ZBTB44: variants seen among roughly 807,000 people sequenced by gnomAD.
ZBTB44 encodes zinc finger and BTB domain containing 44.
ZBTB44 carries 15 observed loss-of-function variants against 54.0 expected under a neutral mutation model. The ratio of observed to expected loss-of-function variants is 0.28; its 90% CI spans 0.19 to 0.43. The LOEUF (loss-of-function observed/expected upper bound fraction) is 0.43. Among genes scored for constraint, ZBTB44 ranks in the 20% least tolerant of loss-of-function variants. The probability of loss-of-function intolerance (pLI) is 1.00; values close to 1 mark genes in which losing one functional copy is unlikely to be tolerated. For missense variants in ZBTB44, 487 were observed against 707.1 expected, an observed-to-expected ratio of 0.69 and a Z score of 3.53; for synonymous variants, 230 against 250.1, an observed-to-expected ratio of 0.92 and a Z score of 0.76.
At chr11:130,250,272 TATAG>T (rs1190858065) in intron 2 of ZBTB44, among the ~76,000 whole-genome samples, 1 of 152,104 alleles carries the variant, frequency 6.6e-6, no homozygotes, top group Non-Finnish European at 1.5e-5. Context: ...AGTCAGGGCT[TATAG>T]ATAAAAATCC....
At chr11:130,283,035 CTTT>C (rs531030883) in intron 1 of ZBTB44, among the ~76,000 whole-genome samples, 12 of 102,414 alleles carry the variant, frequency 1.2e-4, no homozygotes, top group African/African-American at 3.9e-4. Context: ...CCATTCTAAC[CTTT>C]TTTTTTTTTT....
intron 1 of ZBTB44, among the ~76,000 whole-genome samples, chr11:130,281,962 A>G (rs1313233808): frequency 6.6e-6 from 1 of 151,694 alleles, no homozygotes; most frequent in Non-Finnish European, 1.5e-5. Flanking sequence ...CCAATACCCT[A>G]TTTGCATGAG....
chr11:130,298,325 G>A (rs1191985262), intron 1 of ZBTB44, among the ~76,000 whole-genome samples: 3 of 151,826 alleles, frequency 2.0e-5, no homozygotes, highest in Admixed American at 2.0e-4. Context: ...GTATTTTCTT[G>A]TAGAGACAGG....
chr11:130,309,483 C>T (rs371735676), intron 1 of ZBTB44, among the ~76,000 whole-genome samples: 2 of 152,176 alleles, frequency 1.3e-5, no homozygotes, highest in South Asian at 2.1e-4. Flanking sequence ...GAATTTATAT[C>T]AAATTTGGTC....
intron 1 of ZBTB44, among the ~76,000 whole-genome samples, chr11:130,279,725 TCTG>T (rs1357331633): frequency 6.6e-6 from 1 of 152,084 alleles, no homozygotes; most frequent in African/African-American, 2.4e-5. Context: ...TTGAGGTCTA[TCTG>T]ATATTTCTTC....
intron 2 of ZBTB44, among the ~76,000 whole-genome samples, chr11:130,253,078 C>T (rs1472624935): frequency 6.6e-6 from 1 of 152,066 alleles, no homozygotes; most frequent in Non-Finnish European, 1.5e-5. Context: ...ATAATAAGAC[C>T]TATTTATGAC....
chr11:130,303,531 A>G (rs1055998069), intron 1 of ZBTB44, among the ~76,000 whole-genome samples: 2 of 152,124 alleles, frequency 1.3e-5, no homozygotes, highest in African/African-American at 4.8e-5. Flanking sequence ...GCTACTCGGG[A>G]GGCTGAGGCA....
intron 2 of ZBTB44, among the ~76,000 whole-genome samples, chr11:130,252,630 T>C (rs942177272): frequency 2.6e-4 from 40 of 151,748 alleles, no homozygotes; most frequent in African/African-American, 8.4e-4. Flanking sequence ...ACTCACTCTA[T>C]CAGAGGTACA....
intron 1 of ZBTB44, among the ~76,000 whole-genome samples, chr11:130,279,382 G>T (rs2134256640): frequency 6.6e-6 from 1 of 152,114 alleles, no homozygotes; most frequent in African/African-American, 2.4e-5. Flanking sequence ...GCTCAGGTTG[G>T]GTGCAGTGGC....
chr11:130,238,674 G>T, intron 3 of ZBTB44, 67 bp from the exon 4 acceptor site: 1 of 1,382,096 alleles, frequency 7.2e-7, no homozygotes, highest in Non-Finnish European at 9.5e-7. Context: ...ACTGCTATAG[G>T]TCAATTTTAA....
In ZBTB44 at chr11:130,228,676, C is replaced by G. The variant is rs1259717980; in HGVS notation, c.*3088G>C. On this transcript the variant is annotated 3_prime_UTR_variant, in exon 8 of 8. Transcript: ENST00000357899. Reference sequence around the variant, plus strand: ...TCAGCAGGTGATGTACTTTGGTAACCTCAACATTCATTTATGGGATGATTT... The same window carrying G: ...TCAGCAGGTGATGTACTTTGGTAACGTCAACATTCATTTATGGGATGATTT... 1 of 152,066 alleles carries G rather than the reference C, an allele frequency of 6.6e-6. No individual in the cohort carries two copies. Among genetic ancestry groups the G allele is most frequent in the African/African-American group, 2.4e-5 (1 of 41,402 alleles). 9.4% of individuals were successfully genotyped at this position (152,066 alleles called of 1,614,324 possible). A position where few individuals can be genotyped will look rare whatever the true frequency, so the allele number is the denominator to read the frequency against.
chr11:130,248,882 T>A (rs1164048253), intron 2 of ZBTB44, among the ~76,000 whole-genome samples: 3 of 152,114 alleles, frequency 2.0e-5, no homozygotes, highest in African/African-American at 7.2e-5. Context: ...GGTGGGTGGA[T>A]CACTTGAAGT....
chr11:130,270,409 C>T (rs1939583951), intron 1 of ZBTB44, among the ~76,000 whole-genome samples: 1 of 152,182 alleles, frequency 6.6e-6, no homozygotes, highest in South Asian at 2.1e-4. Flanking sequence ...ATCAACTATG[C>T]TCCAGATAGA....
intron 1 of ZBTB44, among the ~76,000 whole-genome samples, chr11:130,301,931 C>G (rs1942008677): frequency 6.6e-6 from 1 of 151,280 alleles, no homozygotes; most frequent in Non-Finnish European, 1.5e-5. Flanking sequence ...TAGTCCCAGT[C>G]ACTCAGGAGG....
intron 1 of ZBTB44, among the ~76,000 whole-genome samples, chr11:130,271,842 G>C (rs917114902): frequency 1.3e-5 from 2 of 152,178 alleles, no homozygotes; most frequent in African/African-American, 4.8e-5. Flanking sequence ...GTGTAAGACA[G>C]GAATTGCTGG....
chr11:130,240,320 G>A (rs1050258127), intron 2 of ZBTB44, among the ~76,000 whole-genome samples: 2 of 152,054 alleles, frequency 1.3e-5, no homozygotes, highest in African/African-American at 4.8e-5. Flanking sequence ...GATTACAGGC[G>A]TGAGCCACCG....
chr11:130,285,192 GT>G (rs1940862489), intron 1 of ZBTB44: 5 of 167,294 alleles, frequency 3.0e-5, no homozygotes, highest in South Asian at 2.0e-4. Context: ...TTACTAAGGA[GT>G]TTTTGGTTTT....
intron 3 of ZBTB44, chr11:130,239,099 T>C (rs994962797): frequency 6.5e-6 from 1 of 152,900 alleles, no homozygotes; most frequent in Non-Finnish European, 1.5e-5. Flanking sequence ...TAGACAGGGA[T>C]ATATTTTATA....
At chr11:130,311,194 G>A (rs993807995) in intron 1 of ZBTB44, among the ~76,000 whole-genome samples, 1 of 152,048 alleles carries the variant, frequency 6.6e-6, no homozygotes, top group Non-Finnish European at 1.5e-5. Flanking sequence ...TATACAGTGG[G>A]AGAAAGCAAA....
Sources: gnomAD v4.1 joint callset for allele counts (sites outside exome capture counted in the v4.1 genomes callset) on GRCh38, gnomAD v4.1.1 for gene constraint, MANE v1.5 for transcripts, NCBI Gene and HGNC (gene_info 2026-07-23, HGNC 2026-07-21) for gene names.